Variants in HPD observed in about 807,000 individuals in gnomAD.
HPD encodes 4-hydroxyphenylpyruvate dioxygenase.
A neutral mutation model predicts 56.9 loss-of-function variants in HPD; 35 were observed. The observed-to-expected ratio is 0.62, with a 90% CI of 0.47 to 0.82. The LOEUF (loss-of-function observed/expected upper bound fraction) is 0.82. HPD is among the 40% of genes least tolerant of loss of function. The pLI, the probability that HPD is intolerant of heterozygous loss-of-function variation, is 0.00. For missense variants in HPD, 442 were observed against 506.8 expected, an observed-to-expected ratio of 0.87 and a Z score of 1.23; for synonymous variants, 186 against 200.2, an observed-to-expected ratio of 0.93 and a Z score of 0.60.
At chr12:121,874,091 G>C in the HPD span, 3 of 152,266 alleles carry the variant, frequency 2.0e-5, no homozygotes, top group Admixed American at 2.0e-4. Context: ...ACCTGATGGG[G>C]TGGGAAAGAG....
At chr12:121,857,859 G>A in intron 2 of HPD, 40 bp from the exon 3 acceptor site, 1 of 1,553,054 alleles carries the variant, frequency 6.4e-7, no homozygotes, top group Non-Finnish European at 8.9e-7. Flanking sequence ...GTCCCTGAAA[G>A]TGAGTCTAGA....
chr12:121,883,973 TAA>T, the HPD span, among the ~76,000 whole-genome samples: 16 of 152,122 alleles, frequency 1.1e-4, no homozygotes, highest in Admixed American at 1.3e-4. Flanking sequence ...CTCCTTACCA[TAA>T]AAAGAGTTTC....
At chr12:121,879,908 G>T in the HPD span, among the ~76,000 whole-genome samples, 1 of 152,096 alleles carries the variant, frequency 6.6e-6, no homozygotes, top group Admixed American at 6.6e-5. Context: ...CCAGCACTTT[G>T]GGAGGCAGAG....
rs376937014 is a variant in HPD, at chr12:121,839,833, A to G, written c.1077T>C (p.Phe359=). The G allele has an allele frequency of 1.4e-5, 22 of 1,613,878 alleles. No individual in the cohort carries two copies. The South Asian group carries it at 2.2e-4, about 16-fold the overall frequency. The change falls in exon 14 of 14, where the codon TTT becomes TTC. Residue 359 remains phenylalanine, a synonymous_variant. Coordinates refer to ENST00000289004, the MANE Select transcript of HPD (RefSeq NM_002150.3). ...EVIQRHNHQG[F]GAGNFNSLFK... is the part of the protein sequence containing the mutation. The stretch of plus-strand genomic sequence containing the variant: ...ACAGTGAGTTGAAGTTGCCGGCTCC[A>G]AAACCCTGTGGCGGGAAAGAGAGGA...
intron 12 of HPD, among the ~76,000 whole-genome samples, chr12:121,840,376 C>T (rs894358529): frequency 1.3e-5 from 2 of 152,150 alleles, no homozygotes; most frequent in Non-Finnish European, 2.9e-5. Context: ...TCTTGGCTCA[C>T]TGAAACCTCC....
chr12:121,848,915 A>G, intron 9 of HPD, 84 bp downstream of exon 9: 1 of 1,012,302 alleles, frequency 9.9e-7, no homozygotes, highest in Admixed American at 1.7e-5. Flanking sequence ...CGTATTTTCC[A>G]TGTTAGTGCA....
At chr12:121,846,971 C>G in intron 10 of HPD, 38 bp from the exon 11 acceptor site, 2 of 1,613,052 alleles carry the variant, frequency 1.2e-6, no homozygotes, top group Non-Finnish European at 1.7e-6. Context: ...GTCATTTGCC[C>G]CATCACCCAC....
At chr12:121,875,445 A>G in the HPD span, among the ~76,000 whole-genome samples, 53,553 of 122,288 alleles carry the variant, frequency 0.44, 10,514 homozygotes, top group East Asian at 0.62. Flanking sequence ...TTTTTTTTTG[A>G]GACATGGTCT....
chr12:121,845,835 A>T (rs969221637), intron 11 of HPD, among the ~76,000 whole-genome samples: 7 of 152,148 alleles, frequency 4.6e-5, no homozygotes, highest in Non-Finnish European at 7.3e-5. Context: ...CCACAAGGGC[A>T]GAAACTGTTA....
upstream of HPD, among the ~76,000 whole-genome samples, chr12:121,862,400 C>T (rs1226871817): frequency 1.3e-5 from 2 of 149,604 alleles, no homozygotes; most frequent in Non-Finnish European, 3.0e-5. Context: ...CAGGTTCAAT[C>T]GATTCTCCTG....
chr12:121,874,595 G>A, the HPD span, among the ~76,000 whole-genome samples: 2 of 151,800 alleles, frequency 1.3e-5, no homozygotes, highest in Non-Finnish European at 2.9e-5. Context: ...TCCAGCCTGG[G>A]CAACAAGAGC....
At chr12:121,884,457 C>T in the HPD span, among the ~76,000 whole-genome samples, 1 of 151,910 alleles carries the variant, frequency 6.6e-6, no homozygotes, top group Admixed American at 6.6e-5. Flanking sequence ...ACCATCATGC[C>T]TGGTCCTCCG....
At chr12:121,847,386 G>C (rs1877623814) in intron 9 of HPD, among the ~76,000 whole-genome samples, 172 bp from the exon 10 acceptor site, 1 of 152,122 alleles carries the variant, frequency 6.6e-6, no homozygotes, top group African/African-American at 2.4e-5. Context: ...GCTCGAGACA[G>C]AGTCTCACTC....
chr12:121,886,747 T>A, the HPD span, among the ~76,000 whole-genome samples: 289 of 152,262 alleles, frequency 1.9e-3, 3 homozygotes, highest in African/African-American at 6.6e-3. Flanking sequence ...AATTTAACAC[T>A]GATATACTAT....
chr12:121,841,969 C>T (rs548181046), intron 12 of HPD, among the ~76,000 whole-genome samples: 3 of 152,034 alleles, frequency 2.0e-5, no homozygotes, highest in Non-Finnish European at 4.4e-5. Context: ...AGGCATGAGC[C>T]ACCGTGCCTG....
At chr12:121,882,801 G>A in the HPD span, among the ~76,000 whole-genome samples, 1 of 152,078 alleles carries the variant, frequency 6.6e-6, no homozygotes, top group Non-Finnish European at 1.5e-5. Context: ...GAGTACAGTG[G>A]TGTAATCTCA....
intron 12 of HPD, among the ~76,000 whole-genome samples, chr12:121,840,924 T>G (rs1225957042): frequency 1.3e-5 from 2 of 150,082 alleles, no homozygotes; most frequent in East Asian, 2.0e-4. Flanking sequence ...CTGGGCAAGG[T>G]GGCTCACGCC....
chr12:121,854,841 G>A lies in HPD; in HGVS notation c.325-49C>T, dbSNP rs748260900. The A allele has an allele frequency of 9.8e-6, 14 of 1,435,540 alleles. No individual in the cohort carries two copies. In the Admixed American group the frequency reaches 2.3e-4, roughly 24 times the overall value. 88.9% of individuals were successfully genotyped at this position (1,435,540 alleles called of 1,614,324 possible). A position where few individuals can be genotyped will look rare whatever the true frequency, so the allele number is the denominator to read the frequency against. On this transcript the variant is annotated intron_variant, in intron 6 of 13. Transcript: ENST00000289004. The stretch of plus-strand genomic sequence containing the variant: ...AATTGGTGAGGGCTGGAGCCTTCCA[G>A]AACCCTTGCCTGCTGCTCCTGCCTG...
At chr12:121,866,378 G>A (rs1336778324), upstream of HPD, among the ~76,000 whole-genome samples, 12 of 110,128 alleles carry the variant, frequency 1.1e-4, no homozygotes, top group African/African-American at 3.7e-4. Context: ...GATATGTTAC[G>A]TTTAAAAAAA....
Sources: allele counts gnomAD v4.1 joint callset (sites outside exome capture counted in the v4.1 genomes callset), GRCh38; gene constraint gnomAD v4.1.1; transcripts MANE v1.5; gene names NCBI Gene and HGNC (gene_info 2026-07-23, HGNC 2026-07-21).